PSD3: variants seen among roughly 807,000 people sequenced by gnomAD.
PSD3 encodes the protein pleckstrin and Sec7 domain containing 3, also known as PH and SEC7 domain-containing protein 3.
A neutral mutation model predicts 105.5 loss-of-function variants in PSD3; 49 were observed. The ratio of observed to expected loss-of-function variants is 0.46; its 90% confidence interval spans 0.37 to 0.59. The LOEUF (loss-of-function observed/expected upper bound fraction) is 0.59. Ranked by LOEUF, PSD3 falls within the 20% of genes least tolerant of loss-of-function variation. The probability of loss-of-function intolerance (pLI) is 0.00; values close to 1 mark genes in which losing one functional copy is unlikely to be tolerated. For missense variants in PSD3, 1,561 were observed against 1,263.8 expected (o/e 1.24, Z -3.57); for synonymous variants, 557 against 457.8 (o/e 1.22, Z -2.77).
intron 1 of PSD3, among the ~76,000 whole-genome samples, chr8:19,069,607 C>T (rs1829186999): frequency 6.6e-6 from 1 of 152,138 alleles, no homozygotes. Context: ...GTGATAATAC[C>T]TACGATTTAG....
At chr8:18,599,938 A>G (rs1224543847) in intron 12 of PSD3, among the ~76,000 whole-genome samples, 2 of 152,218 alleles carry the variant, frequency 1.3e-5, no homozygotes, top group Non-Finnish European at 2.9e-5. Context: ...ATAATAACTA[A>G]TAATAAAATA....
At chr8:18,952,622 A>C (rs1321968259) in intron 1 of PSD3, among the ~76,000 whole-genome samples, 1 of 152,210 alleles carries the variant, frequency 6.6e-6, no homozygotes, top group African/African-American at 2.4e-5. Flanking sequence ...AAATATACAA[A>C]TTATAGGACT....
intron 8 of PSD3, among the ~76,000 whole-genome samples, chr8:18,771,416 A>G (rs546203402): frequency 8.5e-5 from 13 of 152,308 alleles, no homozygotes; most frequent in African/African-American, 3.1e-4. Flanking sequence ...TTTTATATCT[A>G]AGAAATCATT....
intron 11 of PSD3, among the ~76,000 whole-genome samples, chr8:18,610,853 CTAGGCACT>C (rs1442019430): frequency 6.6e-6 from 1 of 152,128 alleles, no homozygotes; most frequent in Admixed American, 6.6e-5. Flanking sequence ...AAACTGGGAG[CTAGGCACT>C]TAGATTTTAT....
intron 9 of PSD3, among the ~76,000 whole-genome samples, chr8:18,664,856 C>G (rs183297915): frequency 1.3e-3 from 194 of 152,342 alleles, no homozygotes; most frequent in Non-Finnish European, 2.5e-3. Flanking sequence ...GGCCCTTACT[C>G]TGCCTTTGCT....
intron 15 of PSD3, among the ~76,000 whole-genome samples, chr8:18,541,685 T>C (rs568283202): frequency 6.6e-6 from 1 of 152,160 alleles, no homozygotes; most frequent in Non-Finnish European, 1.5e-5. Context: ...TTCTCTCTCT[T>C]TAGAGAGAAA....
chr8:18,903,530 G>A (rs979917551), intron 2 of PSD3, among the ~76,000 whole-genome samples: 6 of 152,160 alleles, frequency 3.9e-5, no homozygotes, highest in East Asian at 3.9e-4. Context: ...CCAGCTCCAC[G>A]GAAGCAGGAT....
intron 9 of PSD3, among the ~76,000 whole-genome samples, chr8:18,691,792 A>C (rs2130996102): frequency 6.6e-6 from 1 of 152,328 alleles, no homozygotes; most frequent in South Asian, 2.1e-4. Context: ...TAAAATGATC[A>C]GAGATCCCTG....
rs1405745673 is a variant in PSD3, at chr8:18,572,561, T to A, written c.2751A>T (p.Pro917=). 6.2e-7 allele frequency: 1 copy of A among 1,614,030 alleles called. No homozygotes were observed. Among genetic ancestry groups the A allele is most frequent in the South Asian group, 1.1e-5 (1 of 91,060 alleles). Residue 917 remains proline, a synonymous_variant, in exon 14 of 16, where the codon CCA becomes CCT. Transcript: ENST00000327040. The part of the protein sequence containing the change: ...AIGSQKKFSR[P]LLPATTTKLS... ...GTTTTGTTGTAGTGGCAGGCAGAAG[T>A]GGGCGGCTAAACTTCTTCTGAGAGC...
intron 4 of PSD3, among the ~76,000 whole-genome samples, chr8:18,840,765 T>C (rs962791969): frequency 6.6e-6 from 1 of 152,122 alleles, no homozygotes; most frequent in Non-Finnish European, 1.5e-5. Context: ...GTCAGGCCAG[T>C]GTGGGACAGC....
chr8:18,808,954 G>A lies in PSD3; in HGVS notation c.1635-4056C>T, dbSNP rs2129448132. ...CATTCTCAGCCGAGTGTTCATTGTT[G>A]CGGTTTCTGTAATGTTTCTGCAGTT... is the stretch of plus-strand genomic sequence containing the variant. On this transcript the variant is annotated intron_variant, in intron 4 of 15. Coordinates refer to ENST00000327040, the MANE Select transcript of PSD3 (RefSeq NM_015310.4). 5 of 1,433,886 alleles carry A rather than the reference G, an allele frequency of 3.5e-6. No homozygotes were observed. The South Asian group carries it at 7.8e-5, about 22-fold the overall frequency. The allele number at this position is 1,433,886 out of a possible 1,614,324, so 88.8% of individuals were successfully genotyped here. A position where few individuals can be genotyped will look rare whatever the true frequency, so the allele number is the denominator to read the frequency against.
intron 9 of PSD3, among the ~76,000 whole-genome samples, chr8:18,670,437 A>C (rs1474703553): frequency 6.6e-6 from 1 of 152,108 alleles, no homozygotes; most frequent in East Asian, 1.9e-4. Context: ...CTGTGTGGAG[A>C]AAGGATTATA....
At chr8:18,762,978 A>G in intron 9 of PSD3, 1 of 1,243,630 alleles carries the variant, frequency 8.0e-7, no homozygotes. Context: ...GTGATCTCTG[A>G]GGACAGGTGC....
chr8:18,659,902 G>A (rs1459153250), intron 9 of PSD3, among the ~76,000 whole-genome samples: 6 of 152,202 alleles, frequency 3.9e-5, no homozygotes, highest in Non-Finnish European at 7.3e-5. Flanking sequence ...AGAGGGCAGG[G>A]TTTGGGGAGA....
At chr8:18,700,358 T>C (rs143421919) in intron 9 of PSD3, among the ~76,000 whole-genome samples, 1 of 152,314 alleles carries the variant, frequency 6.6e-6, no homozygotes, top group African/African-American at 2.4e-5. Flanking sequence ...GAGTTATCTA[T>C]ACATTATTAG....
chr8:18,759,510 A>G (rs929720193), intron 9 of PSD3, among the ~76,000 whole-genome samples: 1 of 152,164 alleles, frequency 6.6e-6, no homozygotes, highest in African/African-American at 2.4e-5. Context: ...TTTAAAGGAG[A>G]GACTGTTTCA....
At chr8:18,564,019 C>G (rs1801572591) in intron 14 of PSD3, among the ~76,000 whole-genome samples, 1 of 152,094 alleles carries the variant, frequency 6.6e-6, no homozygotes, top group Non-Finnish European at 1.5e-5. Context: ...AAAAACACCC[C>G]TGCATGTCTA....
At chr8:18,658,295 C>T (rs1809049095) in intron 9 of PSD3, among the ~76,000 whole-genome samples, 1 of 152,172 alleles carries the variant, frequency 6.6e-6, no homozygotes, top group African/African-American at 2.4e-5. Flanking sequence ...TTTACAAATG[C>T]ATCCAAAACT....
intron 12 of PSD3, among the ~76,000 whole-genome samples, chr8:18,584,396 C>G (rs1585304811): frequency 6.6e-6 from 1 of 152,200 alleles, no homozygotes; most frequent in Admixed American, 6.5e-5. Context: ...GGCTCTCACA[C>G]TAGAGTGTTC....
Sources: allele counts gnomAD v4.1 joint callset (sites outside exome capture counted in the v4.1 genomes callset), GRCh38; gene constraint gnomAD v4.1.1; transcripts MANE v1.5; gene names NCBI Gene and HGNC (gene_info 2026-07-23, HGNC 2026-07-21).